Variants in TTN observed in about 807,000 individuals in gnomAD.
TTN encodes titin, also known as connectin.
Under a neutral mutation model 3,223.0 loss-of-function variants are expected in TTN, and 1,525 were observed. The observed-to-expected ratio is 0.47, with a 90% CI of 0.45 to 0.49. TTN has a LOEUF of 0.49. Among genes scored for constraint, TTN ranks in the 20% least tolerant of loss-of-function variants. TTN has a pLI of 0.00. For missense variants in TTN, 40,786 were observed against 43,424.0 expected, an observed-to-expected ratio of 0.94 and a Z score of 5.40; for synonymous variants, 14,094 against 15,161.0, an observed-to-expected ratio of 0.93 and a Z score of 5.17.
chr2:178,719,878 A>G, intron 81 of TTN, 46 bp from the exon 82 acceptor site: 1 of 1,564,982 alleles, frequency 6.4e-7, no homozygotes, highest in East Asian at 2.3e-5. Flanking sequence ...AACCTTTCAA[A>G]CTCAAGAGTG....
At position 178,770,399 on chromosome 2, in the gene TTN, T is replaced by C; in HGVS notation, c.8380+13A>G. On this transcript the variant is annotated intron_variant, in intron 35 of 362. Coordinates refer to ENST00000589042, the MANE Select transcript of TTN (RefSeq NM_001267550.2). Reference sequence around the variant, plus strand: ...GGGCTGACTGCTTGAAAAGTGTTTCTAAATCAACTTACTCTCCACGTGCAG... The same window carrying C: ...GGGCTGACTGCTTGAAAAGTGTTTCCAAATCAACTTACTCTCCACGTGCAG... 2 of 1,614,178 alleles carry C rather than the reference T, an allele frequency of 1.2e-6. No individual in the cohort carries two copies. Among genetic ancestry groups the C allele is most frequent in the Non-Finnish European group, 1.7e-6 (2 of 1,180,030 alleles).
At position 178,731,347 on chromosome 2, in the gene TTN, C is replaced by G; in HGVS notation, c.17419G>C (p.Asp5807His). Residue 5807 changes from aspartate (D) to histidine (H), a missense_variant, in exon 59 of 363, where the codon GAT becomes CAT. Transcript: ENST00000589042. ...DGKYVCQAKNDAGIQRCSALL... is the reference protein window; with the variant it reads ...DGKYVCQAKNHAGIQRCSALL... ...GCAGAACATCTTTGTATTCCTGCATCATTTTTGGCCTGACAGACATATTTC... is the reference window on the plus strand; with the variant it reads ...GCAGAACATCTTTGTATTCCTGCATGATTTTTGGCCTGACAGACATATTTC... 6.2e-7 allele frequency: 1 copy of G among 1,613,822 alleles called. No individual in the cohort carries two copies. The highest frequency in any genetic ancestry group is 8.5e-7 in the Non-Finnish European group (1 of 1,179,778).
Position 178,768,068 on chromosome 2 carries a change from G to A in TTN, c.9251C>T (p.Pro3084Leu), listed in dbSNP as rs1033996370. The A allele has an allele frequency of 6.2e-7, 1 of 1,614,116 alleles. No individual in the cohort carries two copies. Among genetic ancestry groups the A allele is most frequent in the Non-Finnish European group, 8.5e-7 (1 of 1,180,012 alleles). Residue 3084 changes from proline to leucine, a missense_variant, in exon 39 of 363, where the codon CCT becomes CTT. By Grantham distance (98) the Pro-to-Leu change is moderately conservative. Transcript: ENST00000589042. ...TTTCATCCACTGTACAGTGATGTCA[G>A]GTTCAGAAACTTCACATTCAAACAT... ...RAMFECEVSE[P>L]DITVQWMKDD...
chr2:178,749,471 T>G, intron 47 of TTN: 1 of 1,612,992 alleles, frequency 6.2e-7, no homozygotes, highest in African/African-American at 1.3e-5. Flanking sequence ...CTCAAGGCTT[T>G]GAAAATAGTC....
intron 117 of TTN, 32 bp from the exon 118 acceptor site, chr2:178,694,040 T>C: frequency 6.9e-7 from 1 of 1,449,608 alleles, no homozygotes; most frequent in Non-Finnish European, 9.5e-7. Context: ...TTAGTATTCC[T>C]TTTTTTTAGT....
rs748260785 is a variant in TTN, at chr2:178,756,471, C to T, written c.11005G>A (p.Val3669Ile). 54 of 1,613,806 alleles carry T rather than the reference C, an allele frequency of 3.3e-5. No individual in the cohort carries two copies. Among genetic ancestry groups the T allele is most frequent in the Middle Eastern group, 1.7e-4 (1 of 6,058 alleles). Reference sequence around the variant, plus strand: ...GCCGTGTCACCGCACTTTACAGTGACGTCCTGAAGATGCAGGAAAATCTTG... The same window carrying T: ...GCCGTGTCACCGCACTTTACAGTGATGTCCTGAAGATGCAGGAAAATCTTG... Reference protein sequence around the residue: ...APKIFLHLQDVTVKCGDTAQF... With the variant: ...APKIFLHLQDITVKCGDTAQF... The change falls in exon 46 of 363, where the codon GTC (valine) becomes ATC (isoleucine). Residue 3669 changes from valine (V) to isoleucine (I), a missense_variant. Transcript: ENST00000589042.
chr2:178,570,134 C>T lies in TTN; in HGVS notation c.75998G>A (p.Gly25333Asp). 2 of 1,613,494 alleles carry T rather than the reference C, an allele frequency of 1.2e-6. No individual in the cohort carries two copies. The highest frequency in any genetic ancestry group is 1.7e-6 in the Non-Finnish European group (2 of 1,179,612). Residue 25333 changes from glycine to aspartate, a missense_variant, in exon 326 of 363, where the codon GGT becomes GAT. Gly to Asp is a moderately conservative substitution (Grantham distance 94). Transcript: ENST00000589042. ...VVWERPASDG[G>D]SEILGYVLEK... ...AAGAACATATCCAAGAATTTCACTACCACCATCAGATGCTGGTCTTTCCCA... is the reference window on the plus strand; with the variant it reads ...AAGAACATATCCAAGAATTTCACTATCACCATCAGATGCTGGTCTTTCCCA...
In TTN at chr2:178,733,275, C is replaced by T. The variant is rs759610759; in HGVS notation, c.16018G>A (p.Gly5340Ser). Residue 5340 changes from glycine (G) to serine (S), a missense_variant, in exon 54 of 363, where the codon GGC becomes AGC. By Grantham distance (56) the Gly-to-Ser change is moderately conservative. Coordinates refer to ENST00000589042, the MANE Select transcript of TTN (RefSeq NM_001267550.2). The stretch of plus-strand genomic sequence containing the variant: ...AATGTAGTCTCACAGGAGCTGCTGC[C>T]CACTTCATTGGAAATCTCAAATGTG... ...QYTFEISNEV[G>S]SSSCETTFTV... 2 of 1,610,896 alleles carry T rather than the reference C, an allele frequency of 1.2e-6. No individual in the cohort carries two copies. The highest frequency in any genetic ancestry group is 1.3e-5 in the African/African-American group (1 of 74,972).
rs114398229 is a variant in TTN at position 178,679,455 on chromosome 2, G to A, written c.33665-39C>T. 534 of 1,603,556 alleles carry A rather than the reference G, an allele frequency of 3.3e-4. No individual in the cohort carries two copies. In the African/African-American group the frequency reaches 6.5e-3, roughly 20 times the overall value. ...GTTTATTGTTAAGTTCTAACTACTA[G>A]TAACAACACATCCATATAAAACACA... is the stretch of plus-strand genomic sequence containing the variant. On this transcript the variant is annotated intron_variant, in intron 141 of 362. Transcript: ENST00000589042.
chr2:178,791,012 C>G (rs1265787396), intron 10 of TTN, among the ~76,000 whole-genome samples, 167 bp from the exon 11 acceptor site: 1 of 152,176 alleles, frequency 6.6e-6, no homozygotes, highest in Non-Finnish European at 1.5e-5. Context: ...GACTGCTTTC[C>G]TGAGGAATGG....
rs727503589 is a variant in TTN, at chr2:178,592,387, A to G, written c.59618T>C (p.Leu19873Pro). ...AGSKTVSVKV[L>P]VLDKPGPPRD... ...AGTAGTAAAATTCTTACCTAATACA[A>G]GTACTTTTACTGAGACAGTTTTTGA... The change falls in exon 301 of 363, where the codon CTT (leucine) becomes CCT (proline). Residue 19873 changes from leucine (L) to proline (P), a missense_variant. Transcript: ENST00000589042. 7.4e-6 allele frequency: 12 copies of G among 1,612,194 alleles called. No homozygotes were observed. Among genetic ancestry groups the G allele is most frequent in the Non-Finnish European group, 1.0e-5 (12 of 1,179,370 alleles).
Position 178,564,319 on chromosome 2 carries a change from A to C in TTN, c.81813T>G (p.Asp27271Glu). The C allele has an allele frequency of 6.2e-7, 1 of 1,613,710 alleles. No homozygotes were observed. The highest frequency in any genetic ancestry group is 8.5e-7 in the Non-Finnish European group (1 of 1,179,754). Residue 27271 changes from aspartate (D) to glutamate (E), a missense_variant, in exon 326 of 363, where the codon GAT becomes GAG. Asp to Glu is a conservative substitution (Grantham distance 45). Coordinates refer to ENST00000589042, the MANE Select transcript of TTN (RefSeq NM_001267550.2). ...SGAITARDEIDAPNASLDPKY... is the reference protein window; with the variant it reads ...SGAITARDEIEAPNASLDPKY... ...TTGGATCCAGAGAGGCATTTGGTGC[A>C]TCAATTTCATCTCTTGCAGTAATGG...
intron 71 of TTN, 51 bp from the exon 72 acceptor site, chr2:178,724,589 TCTCTA>T: frequency 6.6e-7 from 1 of 1,511,238 alleles, no homozygotes; most frequent in South Asian, 1.4e-5. Flanking sequence ...CTTTACTCTG[TCTCTA>T]CTATCACATT....
rs377442695 is a variant in TTN at position 178,706,549 on chromosome 2, G to A, written c.29325C>T (p.Asn9775=). ...DSGLYRCVAF[N]EHGEIESNVN... is the part of the protein sequence containing the mutation. ...CATTACTTTCAATTTCACCATGTTC[G>A]TTAAATGCCACGCATCGGTATAACC... is the stretch of plus-strand genomic sequence containing the variant. Residue 9775 remains asparagine, a synonymous_variant, in exon 102 of 363, where the codon AAC becomes AAT. Coordinates refer to ENST00000589042, the MANE Select transcript of TTN (RefSeq NM_001267550.2). The A allele has an allele frequency of 9.6e-5, 155 of 1,613,726 alleles. No homozygotes were observed. The highest frequency in any genetic ancestry group is 6.7e-4 in the East Asian group (30 of 44,864).
In TTN at chr2:178,593,069, G is replaced by A. The variant is rs760619849; in HGVS notation, c.59050C>T (p.Pro19684Ser). 1.7e-5 allele frequency: 28 copies of A among 1,612,534 alleles called. 1 individual carries two copies. In the South Asian group the frequency reaches 3.0e-4, roughly 17 times the overall value. ...AKDPIAKPSP[P>S]VNPEAIDTTC... ...GTATCTATTGCTTCAGGATTAACAGGTGGACTTGGTTTAGCTAAAAAATAA... is the reference window on the plus strand; with the variant it reads ...GTATCTATTGCTTCAGGATTAACAGATGGACTTGGTTTAGCTAAAAAATAA... The change falls in exon 300 of 363, where the codon CCT becomes TCT. Residue 19684 changes from proline to serine, a missense_variant. Physicochemically the swap from Pro to Ser is moderately conservative, Grantham distance 74. Transcript: ENST00000589042.
In TTN at chr2:178,784,272, G is replaced by C. The variant is rs772294126; in HGVS notation, c.2573C>G (p.Ser858Trp). ...GGGCTTCACAGTAGGAGCCTTCACC[G>C]ATTTGGTGATCTTCTGAGCAGAAGA... ...ATSSAQKITK[S>W]VKAPTVKPSE... Residue 858 changes from serine (S) to tryptophan (W), a missense_variant, in exon 16 of 363, where the codon TCG becomes TGG. Transcript: ENST00000589042. 8.1e-6 allele frequency: 13 copies of C among 1,613,980 alleles called. No individual in the cohort carries two copies. The highest frequency in any genetic ancestry group is 1.1e-5 in the Non-Finnish European group (13 of 1,180,006).
rs2048686621 is a variant in TTN, at chr2:178,585,328, C to A, written c.64416G>T (p.Met21472Ile). 6.3e-7 allele frequency: 1 copy of A among 1,591,296 alleles called. No individual in the cohort carries two copies. The highest frequency in any genetic ancestry group is 1.8e-5 in the Admixed American group (1 of 55,436). ...CAGCTTTGATAGTTATTTGCTCTGG[C>A]ATAAGGATCTTTGGTGGCACTGAAA... ...KEQLLPPKIL[M>I]PEQITIKAGK... Residue 21472 changes from methionine to isoleucine, a missense_variant, in exon 309 of 363, where the codon ATG becomes ATT. Physicochemically the swap from Met to Ile is conservative, Grantham distance 10. Coordinates refer to ENST00000589042, the MANE Select transcript of TTN (RefSeq NM_001267550.2).
chr2:178,542,934 T>C lies in TTN; in HGVS notation c.96920A>G (p.Asp32307Gly), dbSNP rs942897847. ...GGTCTTCTGAGGCATTGTAGAAAGA[T>C]CGATTGTTGGCAACACTATGGGAAA... ...VQDLRVLPTI[D>G]LSTMPQKTIH... The change falls in exon 348 of 363, where the codon GAT becomes GGT. Residue 32307 changes from aspartate (D) to glycine (G), a missense_variant. Coordinates refer to ENST00000589042, the MANE Select transcript of TTN (RefSeq NM_001267550.2). 10 of 1,602,400 alleles carry C rather than the reference T, an allele frequency of 6.2e-6. No homozygotes were observed. In the African/African-American group the frequency reaches 1.2e-4, roughly 19 times the overall value.
At chr2:178,630,399 A>G (rs1294409360) in intron 238 of TTN, 32 bp from the exon 239 acceptor site, 2 of 1,567,138 alleles carry the variant, frequency 1.3e-6, no homozygotes, top group South Asian at 2.4e-5. Context: ...ACTTTCATAG[A>G]AAATAATTTT....
Sources: gnomAD v4.1 joint callset for allele counts (sites outside exome capture counted in the v4.1 genomes callset) on GRCh38, gnomAD v4.1.1 for gene constraint, MANE v1.5 for transcripts, NCBI Gene and HGNC (gene_info 2026-07-23, HGNC 2026-07-21) for gene names.